PGM3: variants seen among roughly 807,000 people sequenced by gnomAD.
The protein encoded by PGM3 is phosphoglucomutase 3.
PGM3 carries 40 observed loss-of-function variants against 66.2 expected under a neutral mutation model. The ratio of observed to expected loss-of-function variants is 0.60; its 90% CI spans 0.47 to 0.79. The LOEUF is 0.79. Among genes scored for constraint, PGM3 ranks in the 30% least tolerant of loss-of-function variants. The probability of loss-of-function intolerance (pLI) is 0.00; values close to 1 mark genes in which losing one functional copy is unlikely to be tolerated. For missense variants in PGM3, 537 were observed against 643.4 expected, an observed-to-expected ratio of 0.83 and a Z score of 1.79; for synonymous variants, 191 against 224.2, an observed-to-expected ratio of 0.85 and a Z score of 1.32.
At position 83,167,745 on chromosome 6, in the gene PGM3, C is replaced by T. The variant is rs1786135429; in HGVS notation, c.*1489G>A. 5.5e-6 allele frequency: 8 copies of T among 1,448,596 alleles called. No individual in the cohort carries two copies. In the South Asian group the frequency reaches 1.1e-4, roughly 19 times the overall value. 89.7% of individuals were successfully genotyped at this position (1,448,596 alleles called of 1,614,324 possible). A position where few individuals can be genotyped will look rare whatever the true frequency, so the allele number is the denominator to read the frequency against. On this transcript the variant is annotated 3_prime_UTR_variant, in exon 13 of 13. Transcript: ENST00000513973. ...TTTTGATCAGGTCAGGAGTTAGAAA[C>T]TTAATGTCATTTGTATTCATTTCTT...
the PGM3 span, among the ~76,000 whole-genome samples, chr6:83,152,919 G>T: frequency 2.0e-5 from 3 of 152,046 alleles, no homozygotes; most frequent in African/African-American, 7.2e-5. Flanking sequence ...CGCCCGGCCT[G>T]GGGAGGGGTG....
rs1357216481 is a variant in PGM3, at chr6:83,168,183, C to G, written c.*1051G>C. On this transcript the variant is annotated 3_prime_UTR_variant, in exon 13 of 13. Transcript: ENST00000513973. ...AAAAACTTGAGCACCATTGCTGGTT[C>G]CATTTAGCTTACATGTAAATGTAAT... is the stretch of plus-strand genomic sequence containing the variant. The G allele has an allele frequency of 6.2e-7, 1 of 1,601,442 alleles. No homozygotes were observed. The highest frequency in any genetic ancestry group is 1.7e-5 in the Admixed American group (1 of 58,116).
At chr6:83,178,957 A>G (rs972992754) in intron 7 of PGM3, among the ~76,000 whole-genome samples, 1 of 152,250 alleles carries the variant, frequency 6.6e-6, no homozygotes, top group South Asian at 2.1e-4. Flanking sequence ...AAACAATTCT[A>G]TGAGAATTCC....
downstream of PGM3, chr6:83,163,006 A>C (rs1325863263): frequency 7.1e-7 from 1 of 1,411,970 alleles, no homozygotes; most frequent in Admixed American, 2.2e-5. Flanking sequence ...TGGGAAACTG[A>C]GAACGTTATC....
At chr6:83,155,702 G>T in the PGM3 span, among the ~76,000 whole-genome samples, 2 of 152,180 alleles carry the variant, frequency 1.3e-5, no homozygotes, top group Non-Finnish European at 2.9e-5. Flanking sequence ...AATGGTATTA[G>T]TGGTTTTACC....
intron 1 of PGM3, among the ~76,000 whole-genome samples, chr6:83,192,522 A>T (rs886476489): frequency 1.3e-5 from 2 of 152,154 alleles, no homozygotes; most frequent in African/African-American, 4.8e-5. Context: ...GAAATGGTGA[A>T]AAATACTTGC....
chr6:83,163,150 AAAGG>A (rs200890035), downstream of PGM3, among the ~76,000 whole-genome samples: 584 of 152,290 alleles, frequency 3.8e-3, 3 homozygotes, highest in African/African-American at 0.014. Flanking sequence ...TAAAGAAGAA[AAAGG>A]AAGGCTTTTG....
chr6:83,182,800 T>C (rs1465560779), intron 5 of PGM3, 45 bp downstream of exon 5: 1 of 1,565,874 alleles, frequency 6.4e-7, no homozygotes, highest in Admixed American at 1.7e-5. Context: ...ACCATGTTAC[T>C]TTATTCATTT....
At chr6:83,182,012 G>T in intron 5 of PGM3, 81 bp from the exon 6 acceptor site, 2 of 658,734 alleles carry the variant, frequency 3.0e-6, no homozygotes, top group South Asian at 4.3e-5. Flanking sequence ...ATACATATGT[G>T]CATATGTAAA....
chr6:83,177,853 A>G (rs975840766), intron 8 of PGM3, among the ~76,000 whole-genome samples: 10 of 152,130 alleles, frequency 6.6e-5, no homozygotes, highest in African/African-American at 2.4e-4. Flanking sequence ...AAGTCCTGTT[A>G]GATCAGTTTA....
downstream of PGM3, among the ~76,000 whole-genome samples, chr6:83,164,083 G>A (rs1290925778): frequency 6.8e-6 from 1 of 147,490 alleles, no homozygotes; most frequent in Non-Finnish European, 1.5e-5. Context: ...GAGTGATCTA[G>A]GTTGTCTGGT....
intron 1 of PGM3, among the ~76,000 whole-genome samples, chr6:83,191,706 C>A (rs1562434164): frequency 6.6e-6 from 1 of 152,130 alleles, no homozygotes; most frequent in African/African-American, 2.4e-5. Context: ...AATAAAACAT[C>A]GGCCGGGAGC....
intron 5 of PGM3, among the ~76,000 whole-genome samples, chr6:83,182,474 T>C (rs1176819127): frequency 1.3e-5 from 2 of 152,188 alleles, no homozygotes; most frequent in Non-Finnish European, 2.9e-5. Flanking sequence ...CTCTCTACAT[T>C]TAACAAGCCA....
rs772063229 is a variant in PGM3 at position 83,171,957 on chromosome 6, T to C, written c.1345A>G (p.Asn449Asp). The C allele has an allele frequency of 6.2e-7, 1 of 1,613,542 alleles. No homozygotes were observed. Among genetic ancestry groups the C allele is most frequent in the Admixed American group, 1.7e-5 (1 of 59,990 alleles). ...CACACCTGAACTTTAAGTTGTCTGT[T>C]TGGAAGATCTGTATAGAGAGCATCC... ...QWDALYTDLPNRQLKVQVADR... is the reference protein window; with the variant it reads ...QWDALYTDLPDRQLKVQVADR... Residue 449 changes from asparagine (N) to aspartate (D), a missense_variant, in exon 11 of 13, where the codon AAC becomes GAC. Transcript: ENST00000513973.
At position 83,174,478 on chromosome 6, in the gene PGM3, T is replaced by A; in HGVS notation, c.1138A>T (p.Ser380Cys). 1.9e-6 allele frequency: 3 copies of A among 1,555,180 alleles called. No homozygotes were observed. Among genetic ancestry groups the A allele is most frequent in the Non-Finnish European group, 2.6e-6 (3 of 1,138,878 alleles). Reference protein sequence around the residue: ...EANGHGTALFSTAVEMKIKQS... With the variant: ...EANGHGTALFCTAVEMKIKQS... ...TTTATCTTCATTTCAACAGCTGTACTAAACAGTGCCTGCAGCAAAAGAATA... is the reference window on the plus strand; with the variant it reads ...TTTATCTTCATTTCAACAGCTGTACAAAACAGTGCCTGCAGCAAAAGAATA... The change falls in exon 10 of 13, where the codon AGT (serine) becomes TGT (cysteine). Residue 380 changes from serine to cysteine, a missense_variant. Transcript: ENST00000513973.
chr6:83,157,385 C>T, downstream of PGM3: 6 of 1,507,928 alleles, frequency 4.0e-6, no homozygotes, highest in Non-Finnish European at 5.5e-6. Context: ...TTTCCATGTG[C>T]TTACTAGATA....
At position 83,193,246 on chromosome 6, in the gene PGM3, A is replaced by T. The variant is rs923386994; in HGVS notation, c.-70T>A. On this transcript the variant is annotated 5_prime_UTR_variant, in exon 1 of 13. It adds an upstream start codon to the 5' untranslated region. Transcript: ENST00000513973. ...GCCCAAGCAACAACGTCTGCACCCA[A>T]ACCCAGTCCTCAGAACCGCAGACGT... The T allele has an allele frequency of 6.6e-6, 1 of 152,238 alleles. No individual in the cohort carries two copies. Among genetic ancestry groups the T allele is most frequent in the Non-Finnish European group, 1.5e-5 (1 of 68,118 alleles). 9.4% of individuals were successfully genotyped at this position (152,238 alleles called of 1,614,324 possible). A position where few individuals can be genotyped will look rare whatever the true frequency, so the allele number is the denominator to read the frequency against.
intron 9 of PGM3, among the ~76,000 whole-genome samples, chr6:83,175,161 T>C (rs1787663403): frequency 6.6e-6 from 1 of 152,224 alleles, no homozygotes; most frequent in Non-Finnish European, 1.5e-5. Context: ...AAAGTTTTAC[T>C]GGAACACAAC....
downstream of PGM3, chr6:83,159,657 T>C: frequency 2.2e-6 from 2 of 928,742 alleles, no homozygotes; most frequent in South Asian, 1.6e-5. Context: ...TGACATTTCA[T>C]CATGACCTTG....
Sources: allele counts gnomAD v4.1 joint callset (sites outside exome capture counted in the v4.1 genomes callset), GRCh38; gene constraint gnomAD v4.1.1; transcripts MANE v1.5; gene names NCBI Gene and HGNC (gene_info 2026-07-23, HGNC 2026-07-21).